ADAMTS19: variants seen among roughly 807,000 people sequenced by gnomAD.
The protein encoded by ADAMTS19 is A disintegrin and metalloproteinase with thrombospondin motifs 19.
ADAMTS19 carries 93 observed loss-of-function variants against 153.3 expected under a neutral mutation model. The observed-to-expected ratio is 0.61, with a 90% CI of 0.51 to 0.72. The LOEUF is 0.72. Ranked by LOEUF, ADAMTS19 falls within the 30% of genes least tolerant of loss-of-function variation. The probability of loss-of-function intolerance (pLI) is 0.00; values close to 1 mark genes in which losing one functional copy is unlikely to be tolerated. For missense variants in ADAMTS19, 1,482 were observed against 1,552.1 expected (o/e 0.95, Z 0.76); for synonymous variants, 600 against 556.6 (o/e 1.08, Z -1.10).
At chr5:129,495,195 T>C (rs746683439) in intron 2 of ADAMTS19, among the ~76,000 whole-genome samples, 2 of 152,220 alleles carry the variant, frequency 1.3e-5, no homozygotes, top group South Asian at 2.1e-4. Flanking sequence ...AGACAATAAA[T>C]TAAAACACTT....
intron 16 of ADAMTS19, among the ~76,000 whole-genome samples, chr5:129,666,290 A>T (rs1754052932): frequency 6.6e-6 from 1 of 152,142 alleles, no homozygotes; most frequent in African/African-American, 2.4e-5. Context: ...TGTGAAATTA[A>T]GTTTTATCTG....
At chr5:129,628,421 T>C (rs1752149532) in intron 10 of ADAMTS19, among the ~76,000 whole-genome samples, 1 of 151,824 alleles carries the variant, frequency 6.6e-6, no homozygotes, top group Admixed American at 6.6e-5. Context: ...TTTACCTATA[T>C]AGCAAACCTG....
chr5:129,632,993 T>C (rs1462839930), intron 10 of ADAMTS19, among the ~76,000 whole-genome samples: 2 of 128,254 alleles, frequency 1.6e-5, no homozygotes, highest in African/African-American at 7.1e-5. Context: ...TACCTCTCCA[T>C]CCTCTCCTGA....
chr5:129,696,323 A>G (rs1418230235), intron 19 of ADAMTS19, among the ~76,000 whole-genome samples: 3 of 152,204 alleles, frequency 2.0e-5, no homozygotes, highest in Non-Finnish European at 4.4e-5. Context: ...AGGCTGAGGC[A>G]GGAGAATCAC....
intron 2 of ADAMTS19, among the ~76,000 whole-genome samples, chr5:129,480,074 C>A (rs1404484527): frequency 6.6e-6 from 1 of 152,072 alleles, no homozygotes; most frequent in East Asian, 1.9e-4. Context: ...GCTTTAAAAT[C>A]CAAATAATCT....
chr5:129,698,913 G>GA (rs1055667845), intron 19 of ADAMTS19, among the ~76,000 whole-genome samples: 3 of 152,062 alleles, frequency 2.0e-5, no homozygotes, highest in African/African-American at 7.2e-5. Flanking sequence ...GATAGATGAG[G>GA]AAAAAATAAC....
intron 3 of ADAMTS19, among the ~76,000 whole-genome samples, chr5:129,514,770 G>C (rs1042400775): frequency 6.6e-6 from 1 of 151,810 alleles, no homozygotes; most frequent in Non-Finnish European, 1.5e-5. Flanking sequence ...ATCCTTTGCC[G>C]TGCAGAAGCT....
intron 7 of ADAMTS19, among the ~76,000 whole-genome samples, chr5:129,587,772 C>G (rs1431583306): frequency 6.6e-6 from 1 of 152,080 alleles, no homozygotes; most frequent in Non-Finnish European, 1.5e-5. Context: ...CTTTTATGAA[C>G]AGTAAAATCC....
chr5:129,539,974 T>G (rs1752601740), intron 6 of ADAMTS19, among the ~76,000 whole-genome samples: 2 of 152,180 alleles, frequency 1.3e-5, no homozygotes, highest in Admixed American at 1.3e-4. Flanking sequence ...TAATAAAGAT[T>G]AAATGAGTGC....
intron 2 of ADAMTS19, among the ~76,000 whole-genome samples, chr5:129,508,452 A>G (rs935104731): frequency 6.6e-6 from 1 of 152,014 alleles, no homozygotes; most frequent in African/African-American, 2.4e-5. Flanking sequence ...TCATAACTGT[A>G]TTATACAGTT....
intron 2 of ADAMTS19, among the ~76,000 whole-genome samples, chr5:129,493,678 A>C (rs1431014790): frequency 6.6e-6 from 1 of 152,178 alleles, no homozygotes; most frequent in African/African-American, 2.4e-5. Context: ...CTTAGATAAG[A>C]ACATTAATGT....
rs1344550663 is a variant in ADAMTS19, at chr5:129,733,953, G to A, written c.3313-979G>A. Among the ~76,000 whole-genome samples, 60 of 1,398 alleles carry A rather than the reference G, an allele frequency of 0.043. 1 individual carries two copies. The East Asian group carries it at 0.46, about 11-fold the overall frequency. 0.9% of individuals were successfully genotyped at this position (1,398 alleles called of 152,430 possible). A position where few individuals can be genotyped will look rare whatever the true frequency, so the allele number is the denominator to read the frequency against. ...ATAAAGCAAGTGTGTGCGTGTGTGT[G>A]TGTGTGTGTGTGTGTGTGTGTGTGT... On this transcript the variant is annotated intron_variant, in intron 21 of 22. Coordinates refer to ENST00000274487, the MANE Select transcript of ADAMTS19 (RefSeq NM_133638.6).
chr5:129,503,381 A>G (rs1751164841), intron 2 of ADAMTS19, among the ~76,000 whole-genome samples: 1 of 152,220 alleles, frequency 6.6e-6, no homozygotes, highest in African/African-American at 2.4e-5. Context: ...AATCACTCCC[A>G]TTTACAGTAA....
At chr5:129,604,606 G>T (rs1750805681) in intron 8 of ADAMTS19, among the ~76,000 whole-genome samples, 1 of 152,116 alleles carries the variant, frequency 6.6e-6, no homozygotes, top group African/African-American at 2.4e-5. Context: ...TAGATATTAG[G>T]CTCTTGATAT....
chr5:129,697,487 T>C (rs1195321118), intron 19 of ADAMTS19, among the ~76,000 whole-genome samples: 1 of 152,212 alleles, frequency 6.6e-6, no homozygotes, highest in African/African-American at 2.4e-5. Context: ...GAAAATGATA[T>C]ATAAAAGGAT....
At chr5:129,521,960 G>T (rs1751818826) in intron 3 of ADAMTS19, among the ~76,000 whole-genome samples, 1 of 151,944 alleles carries the variant, frequency 6.6e-6, no homozygotes, top group African/African-American at 2.4e-5. Flanking sequence ...AAGACAGGAA[G>T]GTGATAACTG....
chr5:129,711,075 G>C (rs1385756555), intron 21 of ADAMTS19, among the ~76,000 whole-genome samples: 1 of 152,176 alleles, frequency 6.6e-6, no homozygotes. Context: ...CAGAGTCCTA[G>C]TGAGAATTTG....
chr5:129,684,213 G>A lies in ADAMTS19; in HGVS notation c.2758G>A (p.Glu920Lys). The A allele has an allele frequency of 1.2e-6, 2 of 1,614,170 alleles. No homozygotes were observed. Among genetic ancestry groups the A allele is most frequent in the Non-Finnish European group, 1.7e-6 (2 of 1,180,034 alleles). The change falls in exon 18 of 23, where the codon GAG becomes AAG. Residue 920 changes from glutamate to lysine, a missense_variant. Glu to Lys is a moderately conservative substitution (Grantham distance 56). Around this residue, in one of 2 missense-constraint regions of ADAMTS19, gnomAD observed 616 missense variants for 724.4 expected, o/e 0.85. Coordinates refer to ENST00000274487, the MANE Select transcript of ADAMTS19 (RefSeq NM_133638.6). The part of the protein sequence containing the change: ...LPENQSSKAP[E>K]PLFMWTHTSW... The stretch of plus-strand genomic sequence containing the variant: ...AGAAAACCAGAGCTCTAAAGCACCT[G>A]AGCCCCTCTTCATGTGGACACACAC...
chr5:129,728,950 C>T (rs1757322070), intron 21 of ADAMTS19, among the ~76,000 whole-genome samples: 1 of 152,112 alleles, frequency 6.6e-6, no homozygotes, highest in Admixed American at 6.6e-5. Context: ...AAAGCTAAGA[C>T]TTGTCACAAC....
Sources: gnomAD v4.1 joint callset for allele counts (sites outside exome capture counted in the v4.1 genomes callset) on GRCh38, gnomAD v4.1.1 for gene constraint, gnomAD v4.1.1 regional missense constraint, MANE v1.5 for transcripts, NCBI Gene and HGNC (gene_info 2026-07-23, HGNC 2026-07-21) for gene names.